The following STAT4 variants were observed in gnomAD, a reference collection of about 807,000 sequenced individuals.
STAT4 encodes signal transducer and activator of transcription 4.
STAT4 carries 42 observed loss-of-function variants against 110.5 expected under a neutral mutation model. The ratio of observed to expected loss-of-function variants is 0.38; its 90% CI spans 0.30 to 0.49. The LOEUF (loss-of-function observed/expected upper bound fraction) is 0.49. STAT4 is among the 20% of genes least tolerant of loss of function. The pLI, the probability that STAT4 is intolerant of heterozygous loss-of-function variation, is 0.95. For missense variants in STAT4, 632 were observed against 887.9 expected (o/e 0.71, Z 3.66); for synonymous variants, 284 against 302.2 (o/e 0.94, Z 0.63).
At position 191,112,929 on chromosome 2, in the gene STAT4, T is replaced by G. The variant is rs1411639443; in HGVS notation, c.273+33684A>C. Among the ~76,000 whole-genome samples, 2 of 152,358 alleles carry G rather than the reference T, an allele frequency of 1.3e-5. No individual in the cohort carries two copies. The highest frequency in any genetic ancestry group is 3.4e-3 in the Middle Eastern group (1 of 294). ...CAAATATATTAAGAAAAAGAATCTT[T>G]TAGCCCTGCACTGTACTACCAGTTC... On this transcript the variant is annotated intron_variant, in intron 3 of 23. Coordinates refer to ENST00000392320, the MANE Select transcript of STAT4 (RefSeq NM_003151.4). The surrounding 1 kb of genome is among the most constrained non-coding windows in gnomAD (Gnocchi z 4.3).
Position 191,030,951 on chromosome 2 carries a change from T to C in STAT4, c.2220+21A>G, listed in dbSNP as rs977523168. 6.2e-7 allele frequency: 1 copy of C among 1,605,630 alleles called. No individual in the cohort carries two copies. Among genetic ancestry groups the C allele is most frequent in the African/African-American group, 1.3e-5 (1 of 74,752 alleles). On this transcript the variant is annotated intron_variant, in intron 23 of 23. Transcript: ENST00000392320. This position sits in a 1 kb window ranked among gnomAD's most constrained non-coding sequence, Gnocchi z 4.4. ...CGTTGGAAACACCTTTGACCAGCAA[T>C]GGAAAATAAAGGGAACATACTGCAG...
Position 191,135,995 on chromosome 2 carries a change from C to G in STAT4, c.273+10618G>C, listed in dbSNP as rs1174678921. Among the ~76,000 whole-genome samples the G allele has an allele frequency of 9.2e-6, 1 of 108,240 alleles. No individual in the cohort carries two copies. The highest frequency in any genetic ancestry group is 1.8e-5 in the Non-Finnish European group (1 of 56,610). The allele number at this position is 108,240 out of a possible 152,430, so 71.0% of individuals were successfully genotyped here. On this transcript the variant is annotated intron_variant, in intron 3 of 23. Transcript: ENST00000392320. The surrounding 1 kb of genome is among the most constrained non-coding windows in gnomAD (Gnocchi z 4.8). ...CAAAATACTAGCAAATCAAATCCAA[C>G]AGCATCTCAGAAAAAAAAAAAAAAA...
chr2:191,070,463 T>C (rs911023852), intron 5 of STAT4, among the ~76,000 whole-genome samples: 5 of 152,156 alleles, frequency 3.3e-5, no homozygotes, highest in Non-Finnish European at 7.4e-5. Flanking sequence ...AACTCACTTG[T>C]CCAAGGTCAC....
intron 1 of STAT4, among the ~76,000 whole-genome samples, chr2:191,148,705 C>T (rs533478212): frequency 2.1e-4 from 32 of 152,282 alleles, no homozygotes; most frequent in African/African-American, 7.2e-4. Context: ...ATTTGTCTGG[C>T]TTCTAGAGTC....
In STAT4 at chr2:191,050,735, A is replaced by T. The variant is rs1310992858; in HGVS notation, c.1251+3755T>A. On this transcript the variant is annotated intron_variant, in intron 14 of 23. Transcript: ENST00000392320. This position sits in a 1 kb window ranked among gnomAD's most constrained non-coding sequence, Gnocchi z 4.3. Reference sequence around the variant, plus strand: ...CACATTTCCCCAACCCCCAGGGCAAATGGGGTTCCTGAGGTACCTCTTTGG... The same window carrying T: ...CACATTTCCCCAACCCCCAGGGCAATTGGGGTTCCTGAGGTACCTCTTTGG... Among the ~76,000 whole-genome samples the T allele has an allele frequency of 6.6e-6, 1 of 152,162 alleles. No homozygotes were observed. Among genetic ancestry groups the T allele is most frequent in the Non-Finnish European group, 1.5e-5 (1 of 68,030 alleles).
chr2:191,038,787 A>G (rs1479743855), intron 16 of STAT4, among the ~76,000 whole-genome samples: 1 of 152,218 alleles, frequency 6.6e-6, no homozygotes, highest in Non-Finnish European at 1.5e-5. Context: ...AAGATTGATG[A>G]ATATTCTACT....
Position 191,039,316 on chromosome 2 carries a change from A to T in STAT4, c.1336-19T>A. The T allele has an allele frequency of 6.2e-7, 1 of 1,610,046 alleles. No individual in the cohort carries two copies. Among genetic ancestry groups the T allele is most frequent in the Non-Finnish European group, 8.5e-7 (1 of 1,176,304 alleles). ...AGCTGGTCTGGTTTGGGGGGAAAAA[A>T]GCATAGTTATTACAGGTAGTCCCAC... On this transcript the variant is annotated intron_variant, in intron 15 of 23. Coordinates refer to ENST00000392320, the MANE Select transcript of STAT4 (RefSeq NM_003151.4). This position sits in a 1 kb window ranked among gnomAD's most constrained non-coding sequence, Gnocchi z 4.7.
At position 191,035,538 on chromosome 2, in the gene STAT4, A is replaced by G. The variant is rs1696020616; in HGVS notation, c.1570+626T>C. On this transcript the variant is annotated intron_variant, in intron 17 of 23. Coordinates refer to ENST00000392320, the MANE Select transcript of STAT4 (RefSeq NM_003151.4). This position sits in a 1 kb window ranked among gnomAD's most constrained non-coding sequence, Gnocchi z 4.7. ...ATGTTAAACCCTGACTTGTCAAAAT[A>G]CAGATCTCTTAGAGACTTTTTAGAA... Among the ~76,000 whole-genome samples the G allele has an allele frequency of 6.6e-6, 1 of 152,258 alleles. No homozygotes were observed. The highest frequency in any genetic ancestry group is 2.4e-5 in the African/African-American group (1 of 41,462).
chr2:191,132,908 CCAT>C (rs1219908631), intron 3 of STAT4, among the ~76,000 whole-genome samples: 1 of 151,358 alleles, frequency 6.6e-6, no homozygotes, highest in African/African-American at 2.4e-5. Flanking sequence ...GCGCCCGCCA[CCAT>C]GCCCGGCTAA....
In STAT4 at chr2:191,037,488, C is replaced by T. The variant is rs911677842; in HGVS notation, c.1435-1189G>A. 6.6e-5 allele frequency among the ~76,000 whole-genome samples: 10 copies of T among 152,060 alleles called. No homozygotes were observed. Among genetic ancestry groups the T allele is most frequent in the Middle Eastern group, 3.2e-3 (1 of 316 alleles). On this transcript the variant is annotated intron_variant, in intron 16 of 23. Transcript: ENST00000392320. The surrounding 1 kb of genome is among the most constrained non-coding windows in gnomAD (Gnocchi z 4.8). ...AATATTCTGTGTGATCGACTACAAA[C>T]GAGATTGTGCCAGAAACCAGGTCAA...
rs1177055672 is a variant in STAT4, at chr2:191,140,406, A to G, written c.273+6207T>C. Among the ~76,000 whole-genome samples the G allele has an allele frequency of 6.6e-6, 1 of 152,232 alleles. No individual in the cohort carries two copies. Among genetic ancestry groups the G allele is most frequent in the Non-Finnish European group, 1.5e-5 (1 of 68,028 alleles). ...ACTCAAACAAATCAGCAAAAAAACT[A>G]ATAATAATCCCATCAAAAAGCGGGC... On this transcript the variant is annotated intron_variant, in intron 3 of 23. Transcript: ENST00000392320. This position sits in a 1 kb window ranked among gnomAD's most constrained non-coding sequence, Gnocchi z 4.4.
chr2:191,065,469 T>G (rs1696962835), intron 7 of STAT4, among the ~76,000 whole-genome samples: 2 of 152,336 alleles, frequency 1.3e-5, no homozygotes, highest in South Asian at 4.1e-4. Flanking sequence ...GGCATTATTG[T>G]AAGCTATATG....
intron 3 of STAT4, among the ~76,000 whole-genome samples, chr2:191,136,630 T>C (rs1214501345): frequency 6.6e-6 from 1 of 152,136 alleles, no homozygotes. Flanking sequence ...CATGTGCCTG[T>C]ATCCCAGCTA....
At chr2:191,068,728 A>C (rs1454512374) in intron 6 of STAT4, 1 of 152,120 alleles carries the variant, frequency 6.6e-6, no homozygotes. Context: ...CTCTTACATA[A>C]ACATAGTAAG....
rs187516382 is a variant in STAT4, at chr2:191,110,182, C to A, written c.274-33857G>T. ...CATGACCACAAAACCATTCCTCAGT[C>A]TGCACAAACATAGATTTGTGTTGAT... On this transcript the variant is annotated intron_variant, in intron 3 of 23. Coordinates refer to ENST00000392320, the MANE Select transcript of STAT4 (RefSeq NM_003151.4). This position sits in a 1 kb window ranked among gnomAD's most constrained non-coding sequence, Gnocchi z 4.5. Among the ~76,000 whole-genome samples, 99 of 152,278 alleles carry A rather than the reference C, an allele frequency of 6.5e-4. No homozygotes were observed. The highest frequency in any genetic ancestry group is 1.6e-4 in the Non-Finnish European group (11 of 68,028).
chr2:191,064,903 G>A lies in STAT4; in HGVS notation c.686C>T (p.Thr229Ile). The A allele has an allele frequency of 6.2e-7, 1 of 1,613,116 alleles. No homozygotes were observed. The highest frequency in any genetic ancestry group is 1.1e-5 in the South Asian group (1 of 90,946). ...IIHETDLLMN[T>I]MLIEELQDWK... is the part of the protein sequence containing the mutation. ...GTCTTGCAGCTCTTCTATGAGCATG[G>A]TGTTCATTAACAGGTCTGTCTCATG... The change falls in exon 8 of 24, where the codon ACC becomes ATC. Residue 229 changes from threonine to isoleucine, a missense_variant. Around this residue, in one of 4 missense-constraint regions of STAT4, gnomAD observed 488 missense variants for 632.8 expected, o/e 0.77. Coordinates refer to ENST00000392320, the MANE Select transcript of STAT4 (RefSeq NM_003151.4).
intron 14 of STAT4, among the ~76,000 whole-genome samples, chr2:191,041,954 G>T (rs1044416393): frequency 4.6e-5 from 7 of 152,308 alleles, no homozygotes; most frequent in Admixed American, 6.5e-5. Context: ...TAGGTGCTGT[G>T]TGTGCTAAAG....
chr2:191,047,008 T>G (rs918238562), intron 14 of STAT4, among the ~76,000 whole-genome samples: 5 of 152,150 alleles, frequency 3.3e-5, no homozygotes, highest in Non-Finnish European at 7.4e-5. Context: ...CCCTGACCTC[T>G]GGGAAGGGGA....
At chr2:191,108,943 C>G (rs1346877885) in intron 3 of STAT4, among the ~76,000 whole-genome samples, 1 of 152,196 alleles carries the variant, frequency 6.6e-6, no homozygotes, top group African/African-American at 2.4e-5. Flanking sequence ...GTGTGACAAA[C>G]CTTTTTTCCA....
Sources: gnomAD v4.1 joint callset for allele counts (sites outside exome capture counted in the v4.1 genomes callset) on GRCh38, gnomAD v4.1.1 for gene constraint, gnomAD v4.1.1 regional missense constraint, Gnocchi (gnomAD v3.1) non-coding constraint, MANE v1.5 for transcripts, NCBI Gene and HGNC (gene_info 2026-07-23, HGNC 2026-07-21) for gene names.